B3GAT1: variants seen among roughly 807,000 people sequenced by gnomAD.
The protein encoded by B3GAT1 is galactosylgalactosylxylosylprotein 3-beta-glucuronosyltransferase 1.
A neutral mutation model predicts 28.4 loss-of-function variants in B3GAT1; 11 were observed. That is an observed-to-expected ratio of 0.39 (90% confidence interval 0.24 to 0.64). B3GAT1 has a LOEUF of 0.64. Among genes scored for constraint, B3GAT1 ranks in the 30% least tolerant of loss-of-function variants. B3GAT1 has a pLI of 0.50. For missense variants in B3GAT1, 375 were observed against 491.0 expected (o/e 0.76, Z 2.23); for synonymous variants, 255 against 223.1 (o/e 1.14, Z -1.27).
intron 1 of B3GAT1, chr11:134,389,114 T>G (rs142834938): frequency 2.6e-5 from 4 of 152,342 alleles, no homozygotes; most frequent in Non-Finnish European, 5.9e-5. Flanking sequence ...CTCATCAGCA[T>G]CTAATATTTT....
chr11:134,407,379 G>T (rs1181395094), intron 1 of B3GAT1, among the ~76,000 whole-genome samples: 1 of 152,226 alleles, frequency 6.6e-6, no homozygotes, highest in Non-Finnish European at 1.5e-5. Flanking sequence ...CACTCCCCAC[G>T]CCGTGCCGTC....
At chr11:134,384,256 C>T (rs1256829312) in intron 2 of B3GAT1, 68 bp from the exon 3 acceptor site, 12 of 1,471,178 alleles carry the variant, frequency 8.2e-6, no homozygotes, top group South Asian at 6.8e-5. Flanking sequence ...CAGAGCGGGA[C>T]GCCACCCACC....
intron 1 of B3GAT1, among the ~76,000 whole-genome samples, chr11:134,401,979 GC>G (rs144295426): frequency 0.33 from 32,678 of 99,894 alleles, 6,606 homozygotes; most frequent in East Asian, 0.6. Context: ...GCGGGGGGGG[GC>G]GGGCAGCCTG....
intron 1 of B3GAT1, among the ~76,000 whole-genome samples, chr11:134,399,757 GTC>G: frequency 6.6e-6 from 1 of 152,174 alleles, no homozygotes; most frequent in Non-Finnish European, 1.5e-5. Context: ...TGCAGCAAGG[GTC>G]TCTCGTGATG....
rs1333283329 is a variant in B3GAT1 at position 134,388,752 on chromosome 11, C to T, written c.-281-812G>A. Reference sequence around the variant, plus strand: ...TCAATTTGCTCAGGATAATGGCCTCCAGCTGCATCCAGGCTGCTGCAAAGG... The same window carrying T: ...TCAATTTGCTCAGGATAATGGCCTCTAGCTGCATCCAGGCTGCTGCAAAGG... On this transcript the variant is annotated intron_variant, in intron 1 of 5. Transcript: ENST00000312527. 3.3e-5 allele frequency: 5 copies of T among 152,204 alleles called. No homozygotes were observed. In the East Asian group the frequency reaches 9.6e-4, roughly 29 times the overall value. The allele number at this position is 152,204 out of a possible 1,614,324, so 9.4% of individuals were successfully genotyped here. A position where few individuals can be genotyped will look rare whatever the true frequency, so the allele number is the denominator to read the frequency against.
chr11:134,394,115 A>G (rs926500232), intron 1 of B3GAT1, among the ~76,000 whole-genome samples: 2 of 151,922 alleles, frequency 1.3e-5, no homozygotes, highest in Admixed American at 1.3e-4. Context: ...CTGACCTCAC[A>G]CCATATAGGA....
intron 1 of B3GAT1, among the ~76,000 whole-genome samples, chr11:134,405,218 T>C (rs974170081): frequency 3.3e-5 from 5 of 152,088 alleles, no homozygotes; most frequent in Non-Finnish European, 7.4e-5. Flanking sequence ...TCAGGACTTA[T>C]CTTCAAGGGT....
chr11:134,396,704 C>A (rs939116396), intron 1 of B3GAT1, among the ~76,000 whole-genome samples: 2 of 152,188 alleles, frequency 1.3e-5, no homozygotes, highest in African/African-American at 4.8e-5. Flanking sequence ...ACCTTGCAGC[C>A]TGGAAGGGCC....
At chr11:134,392,402 C>T (rs1944429149) in intron 1 of B3GAT1, 1 of 152,700 alleles carries the variant, frequency 6.5e-6, no homozygotes. Flanking sequence ...CAGGGTCTCA[C>T]TCTGTCACCC....
intron 1 of B3GAT1, chr11:134,391,627 C>T (rs531263841): frequency 6.1e-4 from 94 of 153,068 alleles, no homozygotes; most frequent in East Asian, 3.8e-3. Context: ...GAGGCAAGCA[C>T]GGGGAAGAAT....
At chr11:134,404,782 A>G (rs1866769) in intron 1 of B3GAT1, among the ~76,000 whole-genome samples, 39,125 of 152,102 alleles carry the variant, frequency 0.26, 5,886 homozygotes, top group African/African-American at 0.42. Flanking sequence ...TCTGAGAGAG[A>G]GATTTATGTG....
At chr11:134,406,497 C>G (rs1471414048) in intron 1 of B3GAT1, among the ~76,000 whole-genome samples, 1 of 102,854 alleles carries the variant, frequency 9.7e-6, no homozygotes. Flanking sequence ...GAGGTGGAGG[C>G]TCAGGAAGGG....
At chr11:134,401,939 T>C (rs535842574) in intron 1 of B3GAT1, among the ~76,000 whole-genome samples, 53 of 96,018 alleles carry the variant, frequency 5.5e-4, no homozygotes, top group Middle Eastern at 9.4e-3. Flanking sequence ...CACACCAGCA[T>C]GCAGTTGTGA....
At chr11:134,404,027 A>ATATATTTATTTATT (rs1555098477) in intron 1 of B3GAT1, among the ~76,000 whole-genome samples, 27 of 106,754 alleles carry the variant, frequency 2.5e-4, no homozygotes, top group African/African-American at 1.0e-3. Flanking sequence ...ATATATATAT[A>ATATATTTATTTATT]TATTTATTAT....
chr11:134,382,754 C>A lies in B3GAT1; in HGVS notation c.874G>T (p.Val292Phe). The stretch of plus-strand genomic sequence containing the variant: ...TTGGGCTCCAGGTCGTTGAGGGTGA[C>A]AAGTTCTCGAAGGAGGCTGCTTTCC... ...YQESSLLRELVTLNDLEPKAA... is the reference protein window; with the variant it reads ...YQESSLLRELFTLNDLEPKAA... The change falls in exon 4 of 6, where the codon GTC becomes TTC. Residue 292 changes from valine to phenylalanine, a missense_variant. Val to Phe is a conservative substitution (Grantham distance 50). Coordinates refer to ENST00000312527, the MANE Select transcript of B3GAT1 (RefSeq NM_054025.3). 1 of 1,614,108 alleles carries A rather than the reference C, an allele frequency of 6.2e-7. No homozygotes were observed. Among genetic ancestry groups the A allele is most frequent in the Non-Finnish European group, 8.5e-7 (1 of 1,179,980 alleles).
intron 1 of B3GAT1, among the ~76,000 whole-genome samples, chr11:134,406,506 G>A (rs543720538): frequency 3.1e-4 from 42 of 134,266 alleles, no homozygotes; most frequent in African/African-American, 9.8e-4. Context: ...GCTCAGGAAG[G>A]GTCACAGAGG....
At chr11:134,402,453 T>C (rs2136333097) in intron 1 of B3GAT1, among the ~76,000 whole-genome samples, 2 of 152,142 alleles carry the variant, frequency 1.3e-5, no homozygotes, top group Middle Eastern at 6.8e-3. Flanking sequence ...CCCTGCCCCG[T>C]CTCCCCAGGA....
intron 1 of B3GAT1, chr11:134,391,897 G>A (rs554095496): frequency 2.6e-5 from 4 of 152,572 alleles, no homozygotes; most frequent in African/African-American, 9.6e-5. Flanking sequence ...GGAGAGTGGA[G>A]GGTGGTTCCC....
chr11:134,382,713 G>T lies in B3GAT1; in HGVS notation c.915C>A (p.Thr305=). 6.2e-7 allele frequency: 1 copy of T among 1,612,584 alleles called. No homozygotes were observed. Among genetic ancestry groups the T allele is most frequent in the Non-Finnish European group, 8.5e-7 (1 of 1,178,814 alleles). ...NDLEPKAANC[T]KILVWHTRTE... The stretch of plus-strand genomic sequence containing the variant: ...TCAGTTCTGCGGAGGGTCTCACCTT[G>T]GTGCAGTTGGCTGCCTTGGGCTCCA... The change falls in exon 4 of 6, where the codon ACC becomes ACA. Residue 305 remains threonine, a synonymous_variant. Coordinates refer to ENST00000312527, the MANE Select transcript of B3GAT1 (RefSeq NM_054025.3).
Sources: allele counts gnomAD v4.1 joint callset (sites outside exome capture counted in the v4.1 genomes callset), GRCh38; gene constraint gnomAD v4.1.1; transcripts MANE v1.5; gene names NCBI Gene and HGNC (gene_info 2026-07-23, HGNC 2026-07-21).